Variants in MEGF11 observed in about 807,000 individuals in gnomAD.
MEGF11 encodes the protein multiple epidermal growth factor-like domains protein 11.
Under a neutral mutation model 146.6 loss-of-function variants are expected in MEGF11, and 126 were observed. The observed-to-expected ratio is 0.86, with a 90% confidence interval of 0.74 to 1.00. The LOEUF (loss-of-function observed/expected upper bound fraction) is 1.00, where lower values mean the gene tolerates loss of function less well. Ranked by LOEUF, MEGF11 falls within the 50% of genes least tolerant of loss-of-function variation. MEGF11 has a pLI of 0.00. For missense variants in MEGF11, 1,509 were observed against 1,521.2 expected (o/e 0.99, Z 0.13); for synonymous variants, 532 against 583.4 (o/e 0.91, Z 1.27).
chr15:66,176,060 A>G (rs1460205746), intron 1 of MEGF11, among the ~76,000 whole-genome samples: 1 of 152,212 alleles, frequency 6.6e-6, no homozygotes, highest in Non-Finnish European at 1.5e-5. Flanking sequence ...AAACATATAT[A>G]AAAATGTTCA....
intron 5 of MEGF11, among the ~76,000 whole-genome samples, chr15:66,078,336 G>A (rs553044780): frequency 8.5e-5 from 13 of 152,196 alleles, no homozygotes; most frequent in South Asian, 2.1e-4. Flanking sequence ...GCCCTGCATC[G>A]TGGCGGAAAC....
intron 5 of MEGF11, among the ~76,000 whole-genome samples, chr15:66,048,562 C>T (rs1471632896): frequency 6.6e-6 from 1 of 152,246 alleles, no homozygotes; most frequent in Non-Finnish European, 1.5e-5. Context: ...CCCGACAGCT[C>T]ACTGATGACC....
chr15:66,067,836 T>C (rs2085198112), intron 5 of MEGF11, among the ~76,000 whole-genome samples: 1 of 152,154 alleles, frequency 6.6e-6, no homozygotes, highest in African/African-American at 2.4e-5. Flanking sequence ...CGCTAAATGG[T>C]TTGCATGATA....
intron 1 of MEGF11, among the ~76,000 whole-genome samples, chr15:66,247,776 C>T (rs1383699728): frequency 6.6e-6 from 1 of 152,038 alleles, no homozygotes; most frequent in African/African-American, 2.4e-5. Flanking sequence ...GTGGCTCACA[C>T]CTGTAATCCC....
chr15:66,170,213 C>A (rs2090210410), intron 1 of MEGF11, among the ~76,000 whole-genome samples: 1 of 152,176 alleles, frequency 6.6e-6, no homozygotes, highest in Non-Finnish European at 1.5e-5. Context: ...AGATGGAGAG[C>A]ACCTGTGGAG....
intron 9 of MEGF11, among the ~76,000 whole-genome samples, chr15:65,964,481 C>T (rs550936661): frequency 4.0e-5 from 6 of 151,876 alleles, no homozygotes; most frequent in East Asian, 4.0e-4. Flanking sequence ...CCCTGGTGCC[C>T]GTGTCTCTGG....
intron 1 of MEGF11, 125 bp from the exon 2 acceptor site, chr15:66,128,536 T>G: frequency 2.0e-6 from 1 of 498,026 alleles, no homozygotes. Flanking sequence ...ACTAACACTG[T>G]AACAGTTCAC....
intron 13 of MEGF11, among the ~76,000 whole-genome samples, chr15:65,925,942 A>G (rs993157761): frequency 3.9e-5 from 6 of 152,024 alleles, no homozygotes; most frequent in Non-Finnish European, 4.4e-5. Context: ...CATACACAAG[A>G]CCTGTCTCCC....
At chr15:65,975,833 G>A (rs2081426572) in intron 7 of MEGF11, among the ~76,000 whole-genome samples, 1 of 152,144 alleles carries the variant, frequency 6.6e-6, no homozygotes, top group Admixed American at 6.5e-5. Flanking sequence ...CACCTGATGA[G>A]GTGGCACATG....
At chr15:66,241,263 G>A (rs978858730) in intron 1 of MEGF11, among the ~76,000 whole-genome samples, 1 of 152,242 alleles carries the variant, frequency 6.6e-6, no homozygotes, top group Admixed American at 6.5e-5. Flanking sequence ...GGGAGGGGCA[G>A]TGGACCAGGA....
chr15:65,949,321 G>A lies in MEGF11; in HGVS notation c.1287+8226C>T, dbSNP rs554174433. 3.9e-5 allele frequency among the ~76,000 whole-genome samples: 6 copies of A among 152,204 alleles called. No individual in the cohort carries two copies. The South Asian group carries it at 1.0e-3, about 27-fold the overall frequency. ...TGAATTTTCATAACTCTTGCGCCCC[G>A]CTCCCACCTTCCCTGGTCAGAACAG... On this transcript the variant is annotated intron_variant, in intron 10 of 25. Transcript: ENST00000395614.
At chr15:66,137,527 T>C (rs1258367242) in intron 1 of MEGF11, among the ~76,000 whole-genome samples, 1 of 151,486 alleles carries the variant, frequency 6.6e-6, no homozygotes, top group Non-Finnish European at 1.5e-5. Context: ...AACAAAGATG[T>C]CTGGATGATG....
At chr15:66,163,728 G>A (rs1346454647) in intron 1 of MEGF11, among the ~76,000 whole-genome samples, 6 of 152,178 alleles carry the variant, frequency 3.9e-5, no homozygotes, top group East Asian at 1.9e-4. Context: ...GAAGGCGGGC[G>A]GAGCCTATAA....
At chr15:65,916,556 C>T (rs989540004) in intron 17 of MEGF11, 15 of 672,788 alleles carry the variant, frequency 2.2e-5, no homozygotes, top group Non-Finnish European at 3.8e-5. Flanking sequence ...CTCTGGGCCC[C>T]ACTGTCCAAG....
Position 65,906,076 on chromosome 15 carries a change from A to G in MEGF11, c.3055+9T>C, listed in dbSNP as rs2078618620. The G allele has an allele frequency of 6.2e-7, 1 of 1,606,414 alleles. No homozygotes were observed. Among genetic ancestry groups the G allele is most frequent in the African/African-American group, 1.3e-5 (1 of 74,950 alleles). ...CTCTGTAATAAGACAGCAGGATTGG[A>G]TACTCTACCTTTGAAGCCTTTGTCC... On this transcript the variant is annotated intron_variant, in intron 24 of 25. Transcript: ENST00000395614.
In MEGF11 at chr15:65,964,917, T is replaced by C. The variant is rs748717006; in HGVS notation, c.1103A>G (p.Asn368Ser). The change falls in exon 9 of 26, where the codon AAC (asparagine) becomes AGC (serine). Residue 368 changes from asparagine (N) to serine (S), a missense_variant. Coordinates refer to ENST00000395614, the MANE Select transcript of MEGF11 (RefSeq NM_001385028.1). ...CATTCCCAGCTCATACCTGATGGTG[T>C]TGTCAGCGTCACAGGGGCAGGGCAG... is the stretch of plus-strand genomic sequence containing the variant. ...CTLPCPCDAD[N>S]TISCHPVTGA... 6.4e-7 allele frequency: 1 copy of C among 1,563,842 alleles called. No homozygotes were observed.
At chr15:66,065,811 G>C (rs1213062971) in intron 5 of MEGF11, among the ~76,000 whole-genome samples, 1 of 152,156 alleles carries the variant, frequency 6.6e-6, no homozygotes, top group East Asian at 1.9e-4. Flanking sequence ...CCACTGTGGA[G>C]GGTATTTAAG....
chr15:66,239,646 G>A (rs1276886412), intron 1 of MEGF11, among the ~76,000 whole-genome samples: 1 of 152,144 alleles, frequency 6.6e-6, no homozygotes, highest in Non-Finnish European at 1.5e-5. Context: ...CAGGGTGAGG[G>A]CCAGGCTCTG....
At chr15:66,033,229 G>A (rs2083600960) in intron 5 of MEGF11, among the ~76,000 whole-genome samples, 1 of 152,128 alleles carries the variant, frequency 6.6e-6, no homozygotes, top group Non-Finnish European at 1.5e-5. Context: ...ACCATACACA[G>A]AAGACACCAA....
Sources: allele counts gnomAD v4.1 joint callset (sites outside exome capture counted in the v4.1 genomes callset), GRCh38; gene constraint gnomAD v4.1.1; transcripts MANE v1.5; gene names NCBI Gene and HGNC (gene_info 2026-07-23, HGNC 2026-07-21).